The following VPS36 variants were observed in gnomAD, a reference collection of about 807,000 sequenced individuals.
VPS36 encodes the protein vacuolar protein sorting 36 homolog, also known as vacuolar protein-sorting-associated protein 36.
Under a neutral mutation model 63.5 loss-of-function variants are expected in VPS36, and 31 were observed. That is an observed-to-expected ratio of 0.49 (90% CI 0.37 to 0.66). VPS36 has a LOEUF of 0.66. Among genes scored for constraint, VPS36 ranks in the 30% least tolerant of loss-of-function variants. The pLI is 0.00. For synonymous variants in VPS36, 138 were observed against 157.2 expected, an observed-to-expected ratio of 0.88 and a Z score of 0.91; for missense variants, 338 against 463.7, an observed-to-expected ratio of 0.73 and a Z score of 2.49.
intron 5 of VPS36, among the ~76,000 whole-genome samples, chr13:52,434,189 T>C (rs1022113231): frequency 6.6e-6 from 1 of 152,170 alleles, no homozygotes; most frequent in Non-Finnish European, 1.5e-5. Flanking sequence ...TGGAAAACAT[T>C]ACCCAGCTGT....
chr13:52,443,565 T>C (rs1188619581), intron 1 of VPS36, among the ~76,000 whole-genome samples: 1 of 152,166 alleles, frequency 6.6e-6, no homozygotes, highest in Non-Finnish European at 1.5e-5. Flanking sequence ...TGCCAGCACC[T>C]TGATCTTAGA....
At chr13:52,447,599 G>A (rs1958358107) in intron 1 of VPS36, among the ~76,000 whole-genome samples, 1 of 152,148 alleles carries the variant, frequency 6.6e-6, no homozygotes. Flanking sequence ...ACTTGGGCGT[G>A]GGAAGAGCAG....
chr13:52,439,612 ATT>A (rs1374684728), intron 2 of VPS36, among the ~76,000 whole-genome samples: 1 of 151,624 alleles, frequency 6.6e-6, no homozygotes. Context: ...CGTCCGGCTA[ATT>A]TTTTTGTATT....
In VPS36 at chr13:52,415,029, T is replaced by C. The variant is rs1957981127; in HGVS notation, c.*801A>G. On this transcript the variant is annotated 3_prime_UTR_variant, in exon 14 of 14. Coordinates refer to ENST00000378060, the MANE Select transcript of VPS36 (RefSeq NM_016075.4). ...TTACTTTTCCACTTTCTATTTCCTG[T>C]CTGTGGCTTTGAGGTAAAAGAACAC... 6.6e-6 allele frequency: 1 copy of C among 152,248 alleles called. No homozygotes were observed. The highest frequency in any genetic ancestry group is 1.5e-5 in the Non-Finnish European group (1 of 68,042). The allele number at this position is 152,248 out of a possible 1,614,324, so 9.4% of individuals were successfully genotyped here.
intron 10 of VPS36, among the ~76,000 whole-genome samples, chr13:52,421,871 C>G (rs1356708479): frequency 1.3e-5 from 2 of 151,974 alleles, no homozygotes; most frequent in Non-Finnish European, 2.9e-5. Flanking sequence ...TTATGGGGTA[C>G]AGGGGCTATT....
chr13:52,442,529 T>C, intron 1 of VPS36, 84 bp from the exon 2 acceptor site: 1 of 1,135,942 alleles, frequency 8.8e-7, no homozygotes, highest in Non-Finnish European at 1.3e-6. Context: ...TATACCACAC[T>C]AAATTAATCA....
At chr13:52,415,968 T>C (rs376450388) in intron 13 of VPS36, 45 bp from the exon 14 acceptor site, 252 of 1,613,006 alleles carry the variant, frequency 1.6e-4, no homozygotes, top group Admixed American at 5.0e-4. Context: ...TATCTGTTCA[T>C]GCAGACACAC....
intron 1 of VPS36, among the ~76,000 whole-genome samples, chr13:52,442,941 C>T (rs746184032): frequency 3.9e-5 from 6 of 152,134 alleles, no homozygotes; most frequent in Non-Finnish European, 5.9e-5. Context: ...TCTTTTGTAC[C>T]TCTACACTTT....
At chr13:52,447,244 T>C (rs1958353104) in intron 1 of VPS36, among the ~76,000 whole-genome samples, 1 of 152,158 alleles carries the variant, frequency 6.6e-6, no homozygotes, top group Non-Finnish European at 1.5e-5. Context: ...TTTCCATATA[T>C]AATAATATTA....
At chr13:52,439,557 T>C (rs1958253458) in intron 2 of VPS36, among the ~76,000 whole-genome samples, 1 of 152,084 alleles carries the variant, frequency 6.6e-6, no homozygotes, top group South Asian at 2.1e-4. Flanking sequence ...ACCATTCTCC[T>C]GCTTCAGCCT....
Position 52,424,191 on chromosome 13 carries a change from A to G in VPS36, c.775-552T>C, listed in dbSNP as rs1958073543. On this transcript the variant is annotated intron_variant, in intron 9 of 13. Transcript: ENST00000378060. ...CCATTTTAACATTTACTTAAATGAA[A>G]AAAGGGGCTCTACACCATGTTTCAA... is the stretch of plus-strand genomic sequence containing the variant. 3.3e-5 allele frequency among the ~76,000 whole-genome samples: 5 copies of G among 151,930 alleles called. No homozygotes were observed. In the South Asian group the frequency reaches 1.0e-3, roughly 31 times the overall value.
At chr13:52,417,261 C>T (rs1431835875) in intron 11 of VPS36, 120 bp from the exon 12 acceptor site, 1 of 755,574 alleles carries the variant, frequency 1.3e-6, no homozygotes, top group Non-Finnish European at 2.2e-6. Flanking sequence ...TTAAACAAAA[C>T]AACATTTAAA....
Position 52,433,751 on chromosome 13 carries a change from GAAA to G in VPS36, c.442-6_442-4del. ...CCTACAGCCCTTATTCTTCCTGGCTGAAAAAAAAAAGAGGTAGAAAATAAAACA... is the reference window on the plus strand; with the variant it reads ...CCTACAGCCCTTATTCTTCCTGGCTGAAAAAAAGAGGTAGAAAATAAAACA... On this transcript the variant is annotated splice_polypyrimidine_tract_variant and splice_region_variant and intron_variant, in intron 5 of 13. Coordinates refer to ENST00000378060, the MANE Select transcript of VPS36 (RefSeq NM_016075.4). The G allele has an allele frequency of 7.2e-7, 1 of 1,387,384 alleles. No individual in the cohort carries two copies. The highest frequency in any genetic ancestry group is 2.2e-5 in the Admixed American group (1 of 44,848). 85.9% of individuals were successfully genotyped at this position (1,387,384 alleles called of 1,614,324 possible).
At chr13:52,430,936 A>T (rs1391833875) in intron 6 of VPS36, among the ~76,000 whole-genome samples, 1 of 152,194 alleles carries the variant, frequency 6.6e-6, no homozygotes, top group African/African-American at 2.4e-5. Context: ...GCACTCAAAG[A>T]AAGAAAATGT....
Position 52,423,564 on chromosome 13 carries a change from C to G in VPS36, c.840+10G>C. ...TTGGTTAAAAGAGTATTTAAATTTTCTATCCTTACTTCCATTCCTCGAGCT... is the reference window on the plus strand; with the variant it reads ...TTGGTTAAAAGAGTATTTAAATTTTGTATCCTTACTTCCATTCCTCGAGCT... On this transcript the variant is annotated intron_variant, in intron 10 of 13. Transcript: ENST00000378060. The G allele has an allele frequency of 6.2e-7, 1 of 1,608,232 alleles. No individual in the cohort carries two copies. Among genetic ancestry groups the G allele is most frequent in the Non-Finnish European group, 8.5e-7 (1 of 1,176,194 alleles).
rs1230336554 is a variant in VPS36, at chr13:52,416,273, C to T, written c.991-180G>A. ...AACTAAATTTTAACTAATGCTTAATCCTACAAAAGTTGAAGTACCCAGAAG... is the reference window on the plus strand; with the variant it reads ...AACTAAATTTTAACTAATGCTTAATTCTACAAAAGTTGAAGTACCCAGAAG... On this transcript the variant is annotated intron_variant, in intron 12 of 13. Coordinates refer to ENST00000378060, the MANE Select transcript of VPS36 (RefSeq NM_016075.4). 4 of 630,550 alleles carry T rather than the reference C, an allele frequency of 6.3e-6. No individual in the cohort carries two copies. In the African/African-American group the frequency reaches 7.4e-5, roughly 12 times the overall value. 39.1% of individuals were successfully genotyped at this position (630,550 alleles called of 1,614,324 possible).
rs984875805 is a variant in VPS36 at position 52,426,137 on chromosome 13, T to C, written c.640-71A>G. On this transcript the variant is annotated intron_variant, in intron 8 of 13. Transcript: ENST00000378060. ...ATATTTGAAATTCTTCCATCACAAA[T>C]TCAATTCCACTCAATTATGTCTACA... is the stretch of plus-strand genomic sequence containing the variant. 2.5e-6 allele frequency: 4 copies of C among 1,570,546 alleles called. No individual in the cohort carries two copies. In the African/African-American group the frequency reaches 4.1e-5, roughly 16 times the overall value.
chr13:52,425,876 T>A (rs1958096662), intron 9 of VPS36, 56 bp downstream of exon 9: 1 of 1,506,390 alleles, frequency 6.6e-7, no homozygotes, highest in African/African-American at 1.4e-5. Flanking sequence ...ACATTTCTAA[T>A]GACATAGGGC....
chr13:52,425,114 G>C (rs967031293), intron 9 of VPS36, among the ~76,000 whole-genome samples: 1 of 151,812 alleles, frequency 6.6e-6, no homozygotes, highest in African/African-American at 2.4e-5. Context: ...CGGGCGCAGT[G>C]GGGTGGCAGG....
Sources: gnomAD v4.1 joint callset for allele counts (sites outside exome capture counted in the v4.1 genomes callset) on GRCh38, gnomAD v4.1.1 for gene constraint, MANE v1.5 for transcripts, NCBI Gene and HGNC (gene_info 2026-07-23, HGNC 2026-07-21) for gene names.